Variants in CSMD1 observed in about 807,000 individuals in gnomAD.
CSMD1 encodes the protein CUB and Sushi multiple domains 1.
A neutral mutation model predicts 417.5 loss-of-function variants in CSMD1; 213 were observed. The observed-to-expected ratio is 0.51, with a 90% CI of 0.46 to 0.57. The LOEUF (loss-of-function observed/expected upper bound fraction) is 0.57, where lower values mean the gene tolerates loss of function less well. Ranked by LOEUF, CSMD1 falls within the 20% of genes least tolerant of loss-of-function variation. The probability of loss-of-function intolerance (pLI) is 0.00; values close to 1 mark genes in which losing one functional copy is unlikely to be tolerated. For synonymous variants in CSMD1, 2,862 were observed against 1,736.8 expected (o/e 1.65, Z -16.11); for missense variants, 6,923 against 4,529.7 (o/e 1.53, Z -15.17).
intron 5 of CSMD1, among the ~76,000 whole-genome samples, chr8:3,820,372 C>A (rs1205005001): frequency 3.3e-5 from 5 of 152,094 alleles, no homozygotes; most frequent in African/African-American, 1.2e-4. Context: ...GGTGTTTGAA[C>A]TGAGTACCAA....
chr8:3,876,895 C>T (rs150958971), intron 5 of CSMD1, among the ~76,000 whole-genome samples: 27 of 152,322 alleles, frequency 1.8e-4, no homozygotes, highest in African/African-American at 6.3e-4. Context: ...GGATTACAGG[C>T]ATGATCCACT....
At chr8:3,828,958 T>C (rs1417016530) in intron 5 of CSMD1, among the ~76,000 whole-genome samples, 1 of 152,206 alleles carries the variant, frequency 6.6e-6, no homozygotes, top group South Asian at 2.1e-4. Flanking sequence ...TTCTTACATA[T>C]GGCAACACAG....
At chr8:4,039,551 C>T (rs1373588548) in intron 3 of CSMD1, among the ~76,000 whole-genome samples, 1 of 152,140 alleles carries the variant, frequency 6.6e-6, no homozygotes, top group Non-Finnish European at 1.5e-5. Context: ...CAATGAGGAC[C>T]TCCCAGGAGG....
At chr8:4,886,060 G>A (rs966877304) in intron 1 of CSMD1, among the ~76,000 whole-genome samples, 2 of 151,988 alleles carry the variant, frequency 1.3e-5, no homozygotes, top group Non-Finnish European at 2.9e-5. Flanking sequence ...GTGCAATCTT[G>A]GATCACTGCA....
chr8:3,432,425 G>C (rs1814273275), intron 12 of CSMD1, among the ~76,000 whole-genome samples: 1 of 151,592 alleles, frequency 6.6e-6, no homozygotes, highest in African/African-American at 2.4e-5. Context: ...CCAAGTCTTT[G>C]GTGCAAAAAT....
At chr8:4,343,483 G>A (rs750405933) in intron 3 of CSMD1, among the ~76,000 whole-genome samples, 12 of 152,040 alleles carry the variant, frequency 7.9e-5, no homozygotes, top group Admixed American at 2.6e-4. Context: ...TCATGGTGAT[G>A]TACATGCGTA....
rs142557678 is a variant in CSMD1, at chr8:3,836,175, T to C, written c.819-82133A>G. 1.1e-3 allele frequency among the ~76,000 whole-genome samples: 165 copies of C among 152,324 alleles called. 1 individual carries two copies. Among genetic ancestry groups the C allele is most frequent in the South Asian group, 4.8e-3 (23 of 4,832 alleles). On this transcript the variant is annotated intron_variant, in intron 5 of 69. Transcript: ENST00000635120. ...TACTATATTCATTGTCTCAGTTTAT[T>C]ATAGATTTTTCCACTTGTTTATTTT...
chr8:4,084,062 G>A (rs1219870030), intron 3 of CSMD1, among the ~76,000 whole-genome samples: 1 of 152,052 alleles, frequency 6.6e-6, no homozygotes, highest in Non-Finnish European at 1.5e-5. Context: ...TAGATCAAAT[G>A]CATCAATACA....
At chr8:4,826,303 GTA>G (rs926818933) in intron 1 of CSMD1, among the ~76,000 whole-genome samples, 8 of 151,754 alleles carry the variant, frequency 5.3e-5, no homozygotes, top group Non-Finnish European at 1.0e-4. Flanking sequence ...ATGTATGTGT[GTA>G]TATATGTGTG....
intron 46 of CSMD1, among the ~76,000 whole-genome samples, chr8:3,100,531 AGAAAACAACTGTGTCTCCACTTGG>A (rs1563339846): frequency 2.0e-5 from 3 of 152,212 alleles, no homozygotes; most frequent in Non-Finnish European, 4.4e-5. Flanking sequence ...ATCACACATT[AGAAAACAACTGTGTCTCCACTTGG>A]GAATCTGGGA....
intron 1 of CSMD1, among the ~76,000 whole-genome samples, chr8:4,903,083 C>T (rs921838731): frequency 1.7e-4 from 26 of 151,718 alleles, no homozygotes; most frequent in Admixed American, 9.2e-4. Flanking sequence ...ATTAGATATA[C>T]GCAGCCATAC....
At chr8:4,083,421 C>A (rs550113183) in intron 3 of CSMD1, among the ~76,000 whole-genome samples, 3 of 152,140 alleles carry the variant, frequency 2.0e-5, no homozygotes, top group South Asian at 2.1e-4. Flanking sequence ...TTCCGCATCA[C>A]GCCACCTGAC....
chr8:3,052,368 G>A, intron 50 of CSMD1, 94 bp downstream of exon 50: 3 of 824,178 alleles, frequency 3.6e-6, no homozygotes, highest in East Asian at 2.7e-5. Context: ...AGGTGTGGGA[G>A]AGGACCTCTG....
intron 12 of CSMD1, among the ~76,000 whole-genome samples, chr8:3,435,041 G>A (rs537037061): frequency 6.6e-6 from 1 of 152,170 alleles, no homozygotes; most frequent in South Asian, 2.1e-4. Context: ...GCTGGTAGCA[G>A]AGAGGACAGA....
At chr8:4,172,458 C>G (rs1012558072) in intron 3 of CSMD1, among the ~76,000 whole-genome samples, 1 of 151,884 alleles carries the variant, frequency 6.6e-6, no homozygotes, top group Non-Finnish European at 1.5e-5. Flanking sequence ...TGTTGTGTTA[C>G]AACAGACACT....
intron 5 of CSMD1, among the ~76,000 whole-genome samples, chr8:3,921,782 A>G (rs563413881): frequency 3.9e-5 from 6 of 152,128 alleles, no homozygotes; most frequent in Non-Finnish European, 8.8e-5. Context: ...TGATTTGTTA[A>G]GAGTTGTTTT....
intron 4 of CSMD1, among the ~76,000 whole-genome samples, chr8:4,026,471 A>G (rs1797071010): frequency 6.6e-6 from 1 of 152,208 alleles, no homozygotes; most frequent in Non-Finnish European, 1.5e-5. Flanking sequence ...GATTATGGAA[A>G]TTTTAAAGAT....
chr8:4,071,251 G>A (rs754520498), intron 3 of CSMD1, among the ~76,000 whole-genome samples: 5 of 151,998 alleles, frequency 3.3e-5, no homozygotes, highest in Non-Finnish European at 7.4e-5. Context: ...TTGTCCCAAA[G>A]AAGCCTGACG....
intron 5 of CSMD1, among the ~76,000 whole-genome samples, chr8:3,909,814 C>T (rs1439162694): frequency 6.6e-6 from 1 of 152,090 alleles, no homozygotes; most frequent in South Asian, 2.1e-4. Context: ...CACAATTTTG[C>T]ATGGTGATTG....
Sources: allele counts gnomAD v4.1 joint callset (sites outside exome capture counted in the v4.1 genomes callset), GRCh38; gene constraint gnomAD v4.1.1; transcripts MANE v1.5; gene names NCBI Gene and HGNC (gene_info 2026-07-23, HGNC 2026-07-21).